GRAMD1C: variants seen among roughly 807,000 people sequenced by gnomAD.
GRAMD1C encodes protein Aster-C.
Under a neutral mutation model 97.8 loss-of-function variants are expected in GRAMD1C, and 89 were observed. The ratio of observed to expected loss-of-function variants is 0.91; its 90% confidence interval spans 0.77 to 1.09. The LOEUF (loss-of-function observed/expected upper bound fraction) is 1.09, where lower values mean the gene tolerates loss of function less well. Among genes scored for constraint, GRAMD1C ranks in the 50% least tolerant of loss-of-function variants. GRAMD1C has a pLI of 0.00. For missense variants in GRAMD1C, 740 were observed against 766.4 expected (o/e 0.97, Z 0.41); for synonymous variants, 256 against 267.0 (o/e 0.96, Z 0.40).
intron 1 of GRAMD1C, 95 bp downstream of exon 1, chr3:113,839,031 A>C: frequency 1.3e-6 from 1 of 746,650 alleles, no homozygotes; most frequent in Non-Finnish European, 1.8e-6. Context: ...ATTACAGTTA[A>C]TCCCTCCCTT....
chr3:113,917,695 C>T (rs896162926), intron 10 of GRAMD1C, among the ~76,000 whole-genome samples: 2 of 148,736 alleles, frequency 1.3e-5, no homozygotes, highest in Non-Finnish European at 3.0e-5. Context: ...TTTATGTAAA[C>T]ATAATTTTTT....
intron 2 of GRAMD1C, among the ~76,000 whole-genome samples, chr3:113,851,900 ACT>A (rs1250064878): frequency 6.6e-6 from 1 of 151,076 alleles, no homozygotes; most frequent in Admixed American, 6.6e-5. Flanking sequence ...GTGCAGTCTC[ACT>A]CTGTCAGCCA....
At chr3:113,849,652 T>G (rs1213583802) in intron 2 of GRAMD1C, among the ~76,000 whole-genome samples, 1 of 152,204 alleles carries the variant, frequency 6.6e-6, no homozygotes, top group Non-Finnish European at 1.5e-5. Flanking sequence ...AGAAGAATTT[T>G]TCTTAGTACA....
At chr3:113,900,706 G>A (rs368720408) in intron 6 of GRAMD1C, among the ~76,000 whole-genome samples, 1 of 151,906 alleles carries the variant, frequency 6.6e-6, no homozygotes, top group South Asian at 2.1e-4. Context: ...GATTACAGGC[G>A]TGAGTCACTG....
At chr3:113,937,659 A>T (rs543257102) in intron 14 of GRAMD1C, among the ~76,000 whole-genome samples, 1 of 152,384 alleles carries the variant, frequency 6.6e-6, no homozygotes, top group African/African-American at 2.4e-5. Flanking sequence ...TTGTCTTTAC[A>T]AATAATTTTT....
intron 10 of GRAMD1C, among the ~76,000 whole-genome samples, chr3:113,928,495 C>T (rs896716749): frequency 2.0e-5 from 3 of 152,078 alleles, no homozygotes; most frequent in Non-Finnish European, 4.4e-5. Context: ...TAAAATTTAC[C>T]ATTTAACCAT....
In GRAMD1C at chr3:113,869,551, A is replaced by G. The variant is rs1310551239; in HGVS notation, c.219A>G (p.Arg73=). The G allele has an allele frequency of 1.9e-6, 3 of 1,554,390 alleles. No individual in the cohort carries two copies. The highest frequency in any genetic ancestry group is 2.3e-5 in the East Asian group (1 of 44,432). The change falls in exon 3 of 18, where the codon AGA becomes AGG. Residue 73 remains arginine (R), a synonymous_variant. Coordinates refer to ENST00000358160, the MANE Select transcript of GRAMD1C (RefSeq NM_017577.5). The part of the protein sequence containing the change: ...TYKDRNEEYR[R]QFTHLPDTER... ...AAGACAGGAATGAGGAATACAGAAG[A>G]CAGTTCACACATCTACCTGATACAG...
In GRAMD1C at chr3:113,936,412, G is replaced by A. The variant is rs375462379; in HGVS notation, c.1603G>A (p.Val535Met). The A allele has an allele frequency of 1.9e-6, 3 of 1,610,924 alleles. No homozygotes were observed. Among genetic ancestry groups the A allele is most frequent in the Non-Finnish European group, 2.5e-6 (3 of 1,178,674 alleles). ...KLSSQHSSGD[V>M]GLGAKGDITG... ...TTCCTCTCAGCATTCCTCTGGAGAT[G>A]TGGGCTTAGGTGCCAAAGGGGATAT... The change falls in exon 14 of 18, where the codon GTG (valine) becomes ATG (methionine). Residue 535 changes from valine (V) to methionine (M), a missense_variant. Physicochemically the swap from Val to Met is conservative, Grantham distance 21. Transcript: ENST00000358160.
chr3:113,910,958 A>G (rs1321029188), intron 9 of GRAMD1C, among the ~76,000 whole-genome samples: 1 of 152,158 alleles, frequency 6.6e-6, no homozygotes, highest in Non-Finnish European at 1.5e-5. Context: ...AAAATACTAC[A>G]GATTGGGTAG....
rs140993984 is a variant in GRAMD1C at position 113,894,412 on chromosome 3, G to A, written c.541-6619G>A. Among the ~76,000 whole-genome samples the A allele has an allele frequency of 3.6e-3, 555 of 152,108 alleles. 4 individuals carry two copies. Among genetic ancestry groups the A allele is most frequent in the African/African-American group, 0.013 (523 of 41,464 alleles). On this transcript the variant is annotated intron_variant, in intron 6 of 17. Transcript: ENST00000358160. Reference sequence around the variant, plus strand: ...TCCTGCCTCAGCCTCCTGAGTAGCTGGGATTACAGGTGCTTGCCACCACAC... The same window carrying A: ...TCCTGCCTCAGCCTCCTGAGTAGCTAGGATTACAGGTGCTTGCCACCACAC...
intron 2 of GRAMD1C, among the ~76,000 whole-genome samples, chr3:113,854,602 A>C (rs1934045792): frequency 6.6e-6 from 1 of 152,156 alleles, no homozygotes; most frequent in Admixed American, 6.5e-5. Context: ...ACCTGACTAA[A>C]GTGCCAGCTT....
chr3:113,927,432 T>C (rs1213444773), intron 10 of GRAMD1C, among the ~76,000 whole-genome samples: 1 of 152,120 alleles, frequency 6.6e-6, no homozygotes, highest in Admixed American at 6.6e-5. Flanking sequence ...CAGCAAGAAT[T>C]ACACTCTGCC....
intron 2 of GRAMD1C, among the ~76,000 whole-genome samples, chr3:113,857,427 G>T (rs1251345594): frequency 6.7e-6 from 1 of 149,742 alleles, no homozygotes; most frequent in Non-Finnish European, 1.5e-5. Flanking sequence ...CCAGGCTGGG[G>T]TGCAGTGACA....
intron 2 of GRAMD1C, among the ~76,000 whole-genome samples, chr3:113,850,051 G>T (rs1034109300): frequency 3.9e-5 from 6 of 151,954 alleles, no homozygotes; most frequent in Non-Finnish European, 8.8e-5. Flanking sequence ...CGGACGGGGC[G>T]GCTGGCCGGA....
rs557183877 is a variant in GRAMD1C at position 113,863,275 on chromosome 3, C to G, written c.175-6232C>G. 2.0e-5 allele frequency among the ~76,000 whole-genome samples: 3 copies of G among 152,206 alleles called. No individual in the cohort carries two copies. The South Asian group carries it at 6.2e-4, about 32-fold the overall frequency. ...CATAAGCTAGAATGAAGTAATGATT[C>G]ATGCTGCAATATAGATGAACCTTGA... On this transcript the variant is annotated intron_variant, in intron 2 of 17. Transcript: ENST00000358160.
intron 6 of GRAMD1C, among the ~76,000 whole-genome samples, chr3:113,888,062 G>A (rs558575614): frequency 5.9e-5 from 9 of 152,162 alleles, no homozygotes; most frequent in Admixed American, 1.3e-4. Context: ...ACTGTTTACA[G>A]TAGAATTAAC....
At position 113,901,016 on chromosome 3, in the gene GRAMD1C, T is replaced by C; in HGVS notation, c.541-15T>C. 1 of 1,293,022 alleles carries C rather than the reference T, an allele frequency of 7.7e-7. No individual in the cohort carries two copies. Among genetic ancestry groups the C allele is most frequent in the African/African-American group, 1.5e-5 (1 of 68,838 alleles). The allele number at this position is 1,293,022 out of a possible 1,614,324, so 80.1% of individuals were successfully genotyped here. The stretch of plus-strand genomic sequence containing the variant: ...ATATTTTCCAATGCTCAGTGTAATT[T>C]TTCTGTCACTTTAGAGCCTGACTAG... On this transcript the variant is annotated splice_polypyrimidine_tract_variant and intron_variant, in intron 6 of 17. Transcript: ENST00000358160.
intron 1 of GRAMD1C, among the ~76,000 whole-genome samples, chr3:113,828,713 C>T (rs550927657): frequency 9.5e-4 from 144 of 152,206 alleles, no homozygotes; most frequent in African/African-American, 3.4e-3. Flanking sequence ...TCGCTTTCTT[C>T]TACCCTACTC....
At position 113,838,842 on chromosome 3, in the gene GRAMD1C, G is replaced by A. The variant is rs893396072; in HGVS notation, c.-68G>A. 26 of 1,161,630 alleles carry A rather than the reference G, an allele frequency of 2.2e-5. No homozygotes were observed. In the African/African-American group the frequency reaches 4.0e-4, roughly 18 times the overall value. 72.0% of individuals were successfully genotyped at this position (1,161,630 alleles called of 1,614,324 possible). On this transcript the variant is annotated 5_prime_UTR_variant, in exon 1 of 18. Transcript: ENST00000358160. ...GAGCCTGTAACTCGCAGCGCGCGCT[G>A]GAGGTGGGCGCGGGGCGGTGCGGTG... is the stretch of plus-strand genomic sequence containing the variant.
Sources: gnomAD v4.1 joint callset for allele counts (sites outside exome capture counted in the v4.1 genomes callset) on GRCh38, gnomAD v4.1.1 for gene constraint, MANE v1.5 for transcripts, NCBI Gene and HGNC (gene_info 2026-07-23, HGNC 2026-07-21) for gene names.